The following POT1 variants were observed in gnomAD, a reference collection of about 807,000 sequenced individuals.
The protein encoded by POT1 is protection of telomeres protein 1.
Under a neutral mutation model 78.5 loss-of-function variants are expected in POT1, and 47 were observed. The observed-to-expected ratio is 0.60, with a 90% CI of 0.47 to 0.76. The LOEUF (loss-of-function observed/expected upper bound fraction) is 0.76. POT1 is among the 30% of genes least tolerant of loss of function. POT1 has a pLI of 0.00. For synonymous variants in POT1, 259 were observed against 260.7 expected, an observed-to-expected ratio of 0.99 and a Z score of 0.06; for missense variants, 646 against 749.9, an observed-to-expected ratio of 0.86 and a Z score of 1.62.
At chr7:124,911,313 G>A (rs918249658) in intron 3 of POT1, among the ~76,000 whole-genome samples, 4 of 152,012 alleles carry the variant, frequency 2.6e-5, no homozygotes, top group East Asian at 1.9e-4. Context: ...ATCTGACATC[G>A]CCTCAAGCAG....
At chr7:124,897,786 C>T (rs1796528229) in intron 4 of POT1, among the ~76,000 whole-genome samples, 1 of 151,686 alleles carries the variant, frequency 6.6e-6, no homozygotes, top group Admixed American at 6.6e-5. Flanking sequence ...TTTGGCTTAG[C>T]CCAATTCTAC....
In POT1 at chr7:124,920,012, C is replaced by A. The variant is rs565178639; in HGVS notation, c.-226-4366G>T. ...CTATTTGGGTGCCTTGCCTCCTTAA[C>A]AGCTGAATCTAGAGAAGTGTAGCAT... is the stretch of plus-strand genomic sequence containing the variant. On this transcript the variant is annotated intron_variant, in intron 2 of 18. Transcript: ENST00000357628. 1.6e-3 allele frequency among the ~76,000 whole-genome samples: 227 copies of A among 142,632 alleles called. 1 individual carries two copies. The highest frequency in any genetic ancestry group is 5.6e-3 in the African/African-American group (217 of 38,434). 93.6% of individuals were successfully genotyped at this position (142,632 alleles called of 152,430 possible).
At chr7:124,890,501 C>T (rs537615098) in intron 6 of POT1, among the ~76,000 whole-genome samples, 1 of 151,984 alleles carries the variant, frequency 6.6e-6, no homozygotes, top group African/African-American at 2.4e-5. Flanking sequence ...TACTATCAAA[C>T]AGCATCTCAT....
At chr7:124,906,932 G>A (rs1350688355) in intron 3 of POT1, among the ~76,000 whole-genome samples, 2 of 152,062 alleles carry the variant, frequency 1.3e-5, no homozygotes, top group Non-Finnish European at 2.9e-5. Flanking sequence ...AGATCGAATT[G>A]AAAATGAGAT....
chr7:124,829,432 T>A, intron 15 of POT1, 90 bp from the exon 16 acceptor site: 1 of 760,328 alleles, frequency 1.3e-6, no homozygotes, highest in Non-Finnish European at 2.1e-6. Flanking sequence ...TGTGTAGTTT[T>A]AAAATATAAA....
chr7:124,841,207 A>T lies in POT1; in HGVS notation c.1164-29T>A. Reference sequence around the variant, plus strand: ...AAATTATTGGCAATGAAATGATAGAAATCGATTTTGGTGTAAGCGTGAAGA... The same window carrying T: ...AAATTATTGGCAATGAAATGATAGATATCGATTTTGGTGTAAGCGTGAAGA... On this transcript the variant is annotated intron_variant, in intron 13 of 18. Transcript: ENST00000357628. The T allele has an allele frequency of 6.4e-7, 1 of 1,572,722 alleles. No homozygotes were observed.
chr7:124,912,826 G>A (rs6946962), intron 3 of POT1, among the ~76,000 whole-genome samples: 48,484 of 151,932 alleles, frequency 0.32, 7,761 homozygotes, highest in South Asian at 0.4. Flanking sequence ...TCCAGTTCCA[G>A]AAAGCCAACA....
intron 7 of POT1, among the ~76,000 whole-genome samples, chr7:124,869,233 ACCCAT>A (rs1795805108): frequency 6.6e-6 from 1 of 152,172 alleles, no homozygotes; most frequent in Non-Finnish European, 1.5e-5. Context: ...ATATAAGTGT[ACCCAT>A]GTAGTTCAAA....
At chr7:124,901,871 T>C (rs1294897057) in intron 3 of POT1, among the ~76,000 whole-genome samples, 1 of 152,088 alleles carries the variant, frequency 6.6e-6, no homozygotes, top group Non-Finnish European at 1.5e-5. Context: ...AAGAACTACA[T>C]GATGCATGCA....
chr7:124,874,783 G>A (rs771149149), intron 6 of POT1, among the ~76,000 whole-genome samples: 14 of 151,164 alleles, frequency 9.3e-5, no homozygotes, highest in Non-Finnish European at 1.3e-4. Flanking sequence ...GAAGACAAAG[G>A]AGAGAAGGGA....
intron 6 of POT1, among the ~76,000 whole-genome samples, chr7:124,891,822 T>C (rs1367803207): frequency 2.0e-5 from 3 of 151,646 alleles, no homozygotes; most frequent in Admixed American, 6.6e-5. Context: ...CCACACTTCA[T>C]GTTACTGACG....
chr7:124,909,873 G>C (rs1406271593), intron 3 of POT1, among the ~76,000 whole-genome samples: 2 of 151,606 alleles, frequency 1.3e-5, no homozygotes, highest in East Asian at 3.9e-4. Context: ...AATCTTAAAG[G>C]ATAAAGGTGA....
At chr7:124,871,942 A>T (rs1244373381) in intron 6 of POT1, among the ~76,000 whole-genome samples, 1 of 152,142 alleles carries the variant, frequency 6.6e-6, no homozygotes, top group Non-Finnish European at 1.5e-5. Flanking sequence ...CACTATAGTC[A>T]CTATGTTATA....
At chr7:124,915,961 C>T (rs1389054178) in intron 2 of POT1, among the ~76,000 whole-genome samples, 1 of 151,988 alleles carries the variant, frequency 6.6e-6, no homozygotes. Context: ...ATATTGTTCT[C>T]TACAAAACAA....
chr7:124,852,959 A>G lies in POT1; in HGVS notation c.869+13T>C. The G allele has an allele frequency of 1.2e-6, 2 of 1,606,242 alleles. No homozygotes were observed. Among genetic ancestry groups the G allele is most frequent in the Non-Finnish European group, 1.7e-6 (2 of 1,176,088 alleles). On this transcript the variant is annotated intron_variant, in intron 10 of 18. Transcript: ENST00000357628. ...GATACCTTATTTACATTTTCTAAAT[A>G]CTAAAAGCTTACTTTTTCAGTTGAT...
At chr7:124,885,284 C>G (rs1202706974) in intron 6 of POT1, among the ~76,000 whole-genome samples, 1 of 115,338 alleles carries the variant, frequency 8.7e-6, no homozygotes, top group Non-Finnish European at 1.7e-5. Flanking sequence ...TGCAAGACCT[C>G]CATCTCTCCA....
intron 6 of POT1, among the ~76,000 whole-genome samples, chr7:124,885,534 A>C (rs1796223463): frequency 6.6e-6 from 1 of 152,156 alleles, no homozygotes; most frequent in Admixed American, 6.5e-5. Context: ...TGGGAGGCCA[A>C]GGCAGGTGGA....
intron 3 of POT1, among the ~76,000 whole-genome samples, chr7:124,908,240 G>A (rs1043071071): frequency 6.6e-6 from 1 of 151,938 alleles, no homozygotes; most frequent in Non-Finnish European, 1.5e-5. Context: ...AGGACCTGAC[G>A]GCGTTGATAG....
intron 6 of POT1, among the ~76,000 whole-genome samples, chr7:124,887,965 T>G (rs2116618120): frequency 6.6e-6 from 1 of 152,248 alleles, no homozygotes. Context: ...TTATACATTT[T>G]TACTTTACTT....
Sources: gnomAD v4.1 joint callset for allele counts (sites outside exome capture counted in the v4.1 genomes callset) on GRCh38, gnomAD v4.1.1 for gene constraint, MANE v1.5 for transcripts, NCBI Gene and HGNC (gene_info 2026-07-23, HGNC 2026-07-21) for gene names.